Variants in GNS observed in about 807,000 individuals in gnomAD.
GNS encodes the protein N-acetylglucosamine-6-sulfatase.
In GNS, 40 loss-of-function variants were observed where a neutral mutation model predicts 69.7. The ratio of observed to expected loss-of-function variants is 0.57; its 90% CI spans 0.45 to 0.75. GNS has a LOEUF of 0.75. Ranked by LOEUF, GNS falls within the 30% of genes least tolerant of loss-of-function variation. GNS has a pLI of 0.00. For synonymous variants in GNS, 243 were observed against 251.6 expected (o/e 0.97, Z 0.32); for missense variants, 565 against 685.5 (o/e 0.82, Z 1.96).
At chr12:64,735,780 G>A (rs559466495) in intron 9 of GNS, among the ~76,000 whole-genome samples, 2 of 152,334 alleles carry the variant, frequency 1.3e-5, no homozygotes, top group South Asian at 4.1e-4. Flanking sequence ...TCCTTTGAAA[G>A]AGGAAGCCTG....
At chr12:64,719,670 G>A (rs1868963351) in intron 13 of GNS, among the ~76,000 whole-genome samples, 1 of 152,118 alleles carries the variant, frequency 6.6e-6, no homozygotes. Flanking sequence ...CAAGCTCTAG[G>A]GAACAGGTGA....
intron 2 of GNS, among the ~76,000 whole-genome samples, chr12:64,750,246 C>T (rs1870036428): frequency 6.6e-6 from 1 of 152,026 alleles, no homozygotes; most frequent in Non-Finnish European, 1.5e-5. Context: ...TGGGGTTTCA[C>T]CATGTTGGGT....
rs1565882610 is a variant in GNS at position 64,729,617 on chromosome 12, T to G, written c.1099-560A>C. Among the ~76,000 whole-genome samples the G allele has an allele frequency of 3.3e-5, 5 of 152,330 alleles. 1 individual carries two copies. In the South Asian group the frequency reaches 1.0e-3, roughly 32 times the overall value. ...CCAAAAATGTAGCAATAAAAGTTTT[T>G]TTAAGAGCAAAAGACTTAGATGTTT... is the stretch of plus-strand genomic sequence containing the variant. On this transcript the variant is annotated intron_variant, in intron 9 of 13. Coordinates refer to ENST00000258145, the MANE Select transcript of GNS (RefSeq NM_002076.4).
intron 2 of GNS, among the ~76,000 whole-genome samples, chr12:64,749,014 A>G (rs1042113316): frequency 6.6e-6 from 1 of 152,126 alleles, no homozygotes; most frequent in Non-Finnish European, 1.5e-5. Flanking sequence ...ATCTTGGCTC[A>G]CTGCAAGCTC....
At chr12:64,720,574 C>T (rs566711488) in intron 12 of GNS, among the ~76,000 whole-genome samples, 3 of 152,166 alleles carry the variant, frequency 2.0e-5, no homozygotes, top group South Asian at 2.1e-4. Flanking sequence ...AAAGTGAGAG[C>T]GAATATTTAA....
Position 64,759,200 on chromosome 12 carries a change from A to G in GNS, c.77T>C (p.Leu26Pro), listed in dbSNP as rs899951878. ...PRHLPSCSPA[L>P]LLLVLGGCLG... ...GCAGCCGCCCAGCACCAGCAGTAGC[A>G]GCGCTGGGCTGCAGGAGGGCAGGTG... The change falls in exon 1 of 14, where the codon CTG (leucine) becomes CCG (proline). Residue 26 changes from leucine to proline, a missense_variant. Leu to Pro is a moderately conservative substitution (Grantham distance 98). Transcript: ENST00000258145. 8 of 1,547,854 alleles carry G rather than the reference A, an allele frequency of 5.2e-6. No homozygotes were observed. In the Admixed American group the frequency reaches 7.9e-5, roughly 15 times the overall value.
At chr12:64,731,975 T>A (rs1869405465) in intron 9 of GNS, among the ~76,000 whole-genome samples, 1 of 151,976 alleles carries the variant, frequency 6.6e-6, no homozygotes, top group African/African-American at 2.4e-5. Context: ...GAAAAAGCTT[T>A]GACAAGACCA....
Position 64,739,563 on chromosome 12 carries a change from C to A in GNS, c.876-64G>T, listed in dbSNP as rs1414852250. 70 of 379,000 alleles carry A rather than the reference C, an allele frequency of 1.8e-4. No homozygotes were observed. The highest frequency in any genetic ancestry group is 1.4e-3 in the Middle Eastern group (2 of 1,390). 23.5% of individuals were successfully genotyped at this position (379,000 alleles called of 1,614,324 possible). A position where few individuals can be genotyped will look rare whatever the true frequency, so the allele number is the denominator to read the frequency against. ...CAATGGCTGAGGTATCACTATCTTG[C>A]CAAAAAAAAAAAAAACCAAAAACAA... On this transcript the variant is annotated intron_variant, in intron 7 of 13. Coordinates refer to ENST00000258145, the MANE Select transcript of GNS (RefSeq NM_002076.4).
At chr12:64,746,703 C>T (rs961660864) in intron 3 of GNS, among the ~76,000 whole-genome samples, 3 of 152,216 alleles carry the variant, frequency 2.0e-5, no homozygotes, top group Admixed American at 6.5e-5. Context: ...TATACTTTAA[C>T]GATCTCTCTT....
intron 1 of GNS, among the ~76,000 whole-genome samples, chr12:64,753,833 A>G (rs1565628868): frequency 6.6e-6 from 1 of 152,214 alleles, no homozygotes; most frequent in African/African-American, 2.4e-5. Context: ...AAGAGACGCT[A>G]GAGAAGCAGA....
intron 5 of GNS, 26 bp from the exon 6 acceptor site, chr12:64,743,334 T>A (rs374973353): frequency 1.4e-4 from 218 of 1,556,308 alleles, no homozygotes; most frequent in Non-Finnish European, 1.8e-4. Context: ...ATTTGTCATC[T>A]CCTACCTTAC....
At position 64,747,878 on chromosome 12, in the gene GNS, A is replaced by T; in HGVS notation, c.293T>A (p.Ile98Asn). The T allele has an allele frequency of 6.2e-7, 1 of 1,611,686 alleles. No homozygotes were observed. The highest frequency in any genetic ancestry group is 8.5e-7 in the Non-Finnish European group (1 of 1,177,778). Residue 98 changes from isoleucine to asparagine, a missense_variant, in exon 3 of 14, where the codon ATC becomes AAC. Ile to Asn is a moderately radical substitution (Grantham distance 149, BLOSUM62 -3). This residue lies in a region of GNS where 181 missense variants were observed against 174.4 expected (regional missense o/e 1.04). Coordinates refer to ENST00000258145, the MANE Select transcript of GNS (RefSeq NM_002076.4). The part of the protein sequence containing the change: ...SALCCPSRAS[I>N]LTGKYPHNHH... ...ATTATGTGGGTACTTTCCTGTCAGGATACTGGCTCTGCTGGGGCAGCAGAG... is the reference window on the plus strand; with the variant it reads ...ATTATGTGGGTACTTTCCTGTCAGGTTACTGGCTCTGCTGGGGCAGCAGAG...
chr12:64,726,197 C>CTGT (rs1869194379), intron 10 of GNS, among the ~76,000 whole-genome samples: 1 of 151,600 alleles, frequency 6.6e-6, no homozygotes, highest in South Asian at 2.1e-4. Context: ...GGCTAGGATC[C>CTGT]CCATGAGGAC....
chr12:64,728,006 C>CT (rs1869262615), intron 10 of GNS, among the ~76,000 whole-genome samples: 1 of 152,228 alleles, frequency 6.6e-6, no homozygotes, highest in Non-Finnish European at 1.5e-5. Context: ...TCACTGCAAT[C>CT]TCCACCTCCC....
Position 64,716,599 on chromosome 12 carries a change from G to T in GNS, c.*142C>A. ...ATTGCACGAGGAAGTCAGCTGACTG[G>T]GTTGCTTTTTCAAACAGGACTTAAA... On this transcript the variant is annotated 3_prime_UTR_variant, in exon 14 of 14. Transcript: ENST00000258145. 2.9e-6 allele frequency: 2 copies of T among 697,440 alleles called. No individual in the cohort carries two copies. Among genetic ancestry groups the T allele is most frequent in the South Asian group, 1.5e-5 (1 of 66,762 alleles). The allele number at this position is 697,440 out of a possible 1,614,324, so 43.2% of individuals were successfully genotyped here.
At chr12:64,725,954 C>T (rs1056427814) in intron 10 of GNS, among the ~76,000 whole-genome samples, 1 of 133,680 alleles carries the variant, frequency 7.5e-6, no homozygotes, top group African/African-American at 2.9e-5. Context: ...TGAGATCATG[C>T]CACTGCACTC....
At chr12:64,720,671 C>T (rs555400736) in intron 12 of GNS, among the ~76,000 whole-genome samples, 2 of 152,248 alleles carry the variant, frequency 1.3e-5, no homozygotes, top group African/African-American at 4.8e-5. Flanking sequence ...TTAAGTTTTC[C>T]TATTTTAAAA....
At chr12:64,720,426 G>T (rs1041447305) in intron 12 of GNS, among the ~76,000 whole-genome samples, 1 of 152,188 alleles carries the variant, frequency 6.6e-6, no homozygotes, top group Non-Finnish European at 1.5e-5. Flanking sequence ...CTAAAAAGGG[G>T]CCCCTGCACA....
chr12:64,747,632 A>C, intron 3 of GNS, 80 bp downstream of exon 3: 1 of 856,374 alleles, frequency 1.2e-6, no homozygotes, highest in Non-Finnish European at 1.9e-6. Context: ...TTTAACATTA[A>C]TTGAAATAAT....
Sources: gnomAD v4.1 joint callset for allele counts (sites outside exome capture counted in the v4.1 genomes callset) on GRCh38, gnomAD v4.1.1 for gene constraint, gnomAD v4.1.1 regional missense constraint, MANE v1.5 for transcripts, NCBI Gene and HGNC (gene_info 2026-07-23, HGNC 2026-07-21) for gene names.